Variants in EIF4G3 observed in about 807,000 individuals in gnomAD.
EIF4G3 encodes the protein eukaryotic translation initiation factor 4 gamma 3.
Under a neutral mutation model 186.4 loss-of-function variants are expected in EIF4G3, and 34 were observed. The observed-to-expected ratio is 0.18, with a 90% CI of 0.14 to 0.24. EIF4G3 has a LOEUF of 0.24. EIF4G3 is among the 10% of genes least tolerant of loss of function. EIF4G3 has a pLI of 1.00. For missense variants in EIF4G3, 1,536 were observed against 1,948.5 expected (o/e 0.79, Z 3.99); for synonymous variants, 673 against 679.5 (o/e 0.99, Z 0.15).
intron 12 of EIF4G3, among the ~76,000 whole-genome samples, chr1:20,967,229 A>G (rs1177792038): frequency 6.6e-6 from 1 of 152,254 alleles, no homozygotes; most frequent in Non-Finnish European, 1.5e-5. Context: ...AAAGACACAT[A>G]CATGTCCAAA....
rs1397346759 is a variant in EIF4G3, at chr1:21,071,763, G to A, written c.-196+17375C>T. 5.3e-5 allele frequency among the ~76,000 whole-genome samples: 8 copies of A among 149,664 alleles called. No individual in the cohort carries two copies. In the East Asian group the frequency reaches 5.9e-4, roughly 11 times the overall value. The stretch of plus-strand genomic sequence containing the variant: ...GGAGATTGCAGTGAGTCAAGATTGC[G>A]CCACTGCACTCCAGCCTAGGTGACA... On this transcript the variant is annotated intron_variant, in intron 3 of 36. Transcript: ENST00000602326.
intron 2 of EIF4G3, chr1:21,175,739 G>A (rs1012162058): frequency 2.0e-5 from 3 of 152,368 alleles, no homozygotes; most frequent in Admixed American, 2.0e-4. Context: ...AATAATTATG[G>A]AAGCCCACTG....
chr1:20,995,334 TAAGA>T (rs2082057756), intron 7 of EIF4G3, among the ~76,000 whole-genome samples: 1 of 152,220 alleles, frequency 6.6e-6, no homozygotes, highest in South Asian at 2.1e-4. Flanking sequence ...CTAGTCTTAA[TAAGA>T]AAGGCCCAGG....
At chr1:21,023,140 A>G (rs1053181208) in intron 4 of EIF4G3, among the ~76,000 whole-genome samples, 3 of 152,116 alleles carry the variant, frequency 2.0e-5, no homozygotes, top group Admixed American at 6.5e-5. Flanking sequence ...AATCAAGTTG[A>G]AAAAGACACG....
intron 4 of EIF4G3, among the ~76,000 whole-genome samples, chr1:21,049,436 T>C (rs930233121): frequency 7.9e-5 from 12 of 152,202 alleles, no homozygotes; most frequent in African/African-American, 2.7e-4. Flanking sequence ...GTGTTCAGTC[T>C]AAGAAACCCA....
chr1:21,093,486 C>T (rs1242537081), intron 2 of EIF4G3, among the ~76,000 whole-genome samples: 3 of 137,192 alleles, frequency 2.2e-5, no homozygotes, highest in Non-Finnish European at 3.5e-5. Flanking sequence ...AATAGGAACA[C>T]TTTTACACTG....
At chr1:21,129,645 T>C (rs1042062012) in intron 2 of EIF4G3, among the ~76,000 whole-genome samples, 1 of 152,042 alleles carries the variant, frequency 6.6e-6, no homozygotes, top group Non-Finnish European at 1.5e-5. Context: ...GAGGTCCCTG[T>C]AGAGAAAGCA....
At chr1:21,010,995 G>GT (rs1446488167) in intron 4 of EIF4G3, among the ~76,000 whole-genome samples, 1 of 151,980 alleles carries the variant, frequency 6.6e-6, no homozygotes, top group Non-Finnish European at 1.5e-5. Context: ...AAATATTTTC[G>GT]TAAAATAAAT....
chr1:21,083,626 G>A (rs907240541), intron 3 of EIF4G3, among the ~76,000 whole-genome samples: 18 of 151,972 alleles, frequency 1.2e-4, no homozygotes, highest in African/African-American at 3.9e-4. Flanking sequence ...GCCTGGTCTC[G>A]ATTTTTTAAA....
At chr1:20,865,527 G>T (rs1422420631) in intron 20 of EIF4G3, among the ~76,000 whole-genome samples, 1 of 150,650 alleles carries the variant, frequency 6.6e-6, no homozygotes, top group Non-Finnish European at 1.5e-5. Flanking sequence ...TCATATCATT[G>T]CAACTATAAC....
chr1:21,115,053 G>A (rs763961189), intron 2 of EIF4G3, among the ~76,000 whole-genome samples: 2 of 152,140 alleles, frequency 1.3e-5, no homozygotes, highest in Non-Finnish European at 2.9e-5. Context: ...CACAGTTGGC[G>A]AAAATGTATA....
chr1:21,104,602 A>C (rs1042413675), intron 2 of EIF4G3, among the ~76,000 whole-genome samples: 1 of 152,228 alleles, frequency 6.6e-6, no homozygotes, highest in African/African-American at 2.4e-5. Flanking sequence ...AGCAAAGGGA[A>C]TGCTTATATA....
intron 3 of EIF4G3, among the ~76,000 whole-genome samples, chr1:21,069,352 C>A (rs2095370577): frequency 6.6e-6 from 1 of 152,128 alleles, no homozygotes; most frequent in Non-Finnish European, 1.5e-5. Context: ...TTTTTGTTCT[C>A]ATTTACATAA....
At chr1:21,013,006 G>C (rs1169059059) in intron 4 of EIF4G3, among the ~76,000 whole-genome samples, 1 of 152,152 alleles carries the variant, frequency 6.6e-6, no homozygotes, top group Non-Finnish European at 1.5e-5. Flanking sequence ...AACTAAAGCA[G>C]ATTTAGTGCG....
intron 2 of EIF4G3, among the ~76,000 whole-genome samples, chr1:21,163,559 C>A (rs761881719): frequency 2.3e-4 from 35 of 152,160 alleles, no homozygotes; most frequent in Non-Finnish European, 4.1e-4. Context: ...TACAATCTTA[C>A]AAAATCAGCA....
intron 2 of EIF4G3, among the ~76,000 whole-genome samples, chr1:21,101,220 G>C (rs1434395845): frequency 1.3e-5 from 2 of 152,046 alleles, no homozygotes; most frequent in African/African-American, 4.8e-5. Flanking sequence ...TTACAGGCAT[G>C]AGCCACCGTG....
intron 30 of EIF4G3, among the ~76,000 whole-genome samples, chr1:20,834,195 T>C (rs371766446): frequency 1.3e-5 from 2 of 152,056 alleles, no homozygotes; most frequent in African/African-American, 4.8e-5. Flanking sequence ...ATGCCTGTAA[T>C]CCCAACACTT....
intron 7 of EIF4G3, 82 bp downstream of exon 7, chr1:20,997,519 T>C: frequency 1.5e-6 from 2 of 1,298,454 alleles, no homozygotes; most frequent in East Asian, 2.5e-5. Context: ...TTCTATGGGA[T>C]GGCAGCATTC....
intron 19 of EIF4G3, among the ~76,000 whole-genome samples, chr1:20,881,726 T>A (rs2082380472): frequency 6.6e-6 from 1 of 151,828 alleles, no homozygotes; most frequent in African/African-American, 2.4e-5. Flanking sequence ...AGGCTGAGGT[T>A]ACAGTGAGCT....
Sources: allele counts gnomAD v4.1 joint callset (sites outside exome capture counted in the v4.1 genomes callset), GRCh38; gene constraint gnomAD v4.1.1; transcripts MANE v1.5; gene names NCBI Gene and HGNC (gene_info 2026-07-23, HGNC 2026-07-21).